Variants in TRPM3 observed in about 807,000 individuals in gnomAD.
The protein encoded by TRPM3 is long transient receptor potential channel 3.
Under a neutral mutation model 181.2 loss-of-function variants are expected in TRPM3, and 77 were observed. The ratio of observed to expected loss-of-function variants is 0.42; its 90% CI spans 0.35 to 0.51. The LOEUF is 0.51. TRPM3 is among the 20% of genes least tolerant of loss of function. The pLI is 0.01. For missense variants in TRPM3, 1,759 were observed against 2,196.7 expected (o/e 0.80, Z 3.98); for synonymous variants, 745 against 796.4 (o/e 0.94, Z 1.09).
intron 1 of TRPM3, among the ~76,000 whole-genome samples, chr9:71,374,332 C>T (rs2092609083): frequency 6.6e-6 from 1 of 152,132 alleles, no homozygotes; most frequent in Non-Finnish European, 1.5e-5. Flanking sequence ...CAAGATCATG[C>T]CACTGCACTC....
chr9:70,857,573 A>G lies in TRPM3; in HGVS notation c.462+5335T>C, dbSNP rs2095418975. Among the ~76,000 whole-genome samples the G allele has an allele frequency of 2.6e-5, 4 of 152,184 alleles. No individual in the cohort carries two copies. The South Asian group carries it at 8.3e-4, about 32-fold the overall frequency. ...ATAATTAGCTTCCTTTCAATTACCC[A>G]CATATATATTTCCCAACAAAACATC... On this transcript the variant is annotated intron_variant, in intron 3 of 25. Coordinates refer to ENST00000677713, the MANE Select transcript of TRPM3 (RefSeq NM_001366145.2).
intron 20 of TRPM3, among the ~76,000 whole-genome samples, chr9:70,602,522 C>T (rs1589152512): frequency 6.6e-6 from 1 of 152,186 alleles, no homozygotes; most frequent in East Asian, 1.9e-4. Context: ...GCCTGTCCTG[C>T]TTACTGTCAT....
At chr9:70,679,644 T>C (rs2064930942) in intron 9 of TRPM3, among the ~76,000 whole-genome samples, 1 of 152,182 alleles carries the variant, frequency 6.6e-6, no homozygotes, top group Non-Finnish European at 1.5e-5. Context: ...ATCTTGAGCA[T>C]GTTACTGAAT....
chr9:70,934,420 G>A (rs532084431), intron 1 of TRPM3, among the ~76,000 whole-genome samples: 32 of 152,206 alleles, frequency 2.1e-4, no homozygotes, highest in East Asian at 1.9e-3. Flanking sequence ...CTCCCTGACT[G>A]AAAAGGAAAA....
chr9:71,301,475 G>C (rs1262273294), intron 1 of TRPM3, among the ~76,000 whole-genome samples: 1 of 152,054 alleles, frequency 6.6e-6, no homozygotes, highest in Non-Finnish European at 1.5e-5. Context: ...CAGTTTCAAA[G>C]CCACATACTG....
intron 9 of TRPM3, among the ~76,000 whole-genome samples, chr9:70,663,904 T>C (rs2061456677): frequency 6.6e-6 from 1 of 152,182 alleles, no homozygotes; most frequent in South Asian, 2.1e-4. Flanking sequence ...ACTGATTTTA[T>C]TTATTATTTG....
intron 1 of TRPM3, among the ~76,000 whole-genome samples, chr9:71,105,771 A>C (rs1489492928): frequency 1.3e-5 from 2 of 152,182 alleles, no homozygotes; most frequent in African/African-American, 4.8e-5. Flanking sequence ...AAAGATGTCA[A>C]ATCAGTAAAA....
chr9:71,211,191 A>G (rs2079474916), intron 1 of TRPM3, among the ~76,000 whole-genome samples: 2 of 152,154 alleles, frequency 1.3e-5, no homozygotes, highest in East Asian at 3.9e-4. Flanking sequence ...CTGCTTTCCA[A>G]AGCCTTGCAG....
At chr9:71,057,045 G>T (rs1463798787) in intron 1 of TRPM3, among the ~76,000 whole-genome samples, 1 of 152,014 alleles carries the variant, frequency 6.6e-6, no homozygotes, top group Non-Finnish European at 1.5e-5. Flanking sequence ...TAGGGAAAGA[G>T]GATAAAAGAT....
chr9:71,374,475 C>A (rs1588718631), intron 1 of TRPM3, among the ~76,000 whole-genome samples: 1 of 152,106 alleles, frequency 6.6e-6, no homozygotes, highest in African/African-American at 2.4e-5. Flanking sequence ...ATATGACAAA[C>A]CCATGGCCAA....
At chr9:70,863,210 A>C in intron 2 of TRPM3, 98 bp from the exon 3 acceptor site, 1 of 981,162 alleles carries the variant, frequency 1.0e-6, no homozygotes, top group Non-Finnish European at 1.5e-6. Flanking sequence ...CTGTGCCAAC[A>C]CCTGTCAGTC....
chr9:70,969,756 T>TTATATTTATATA (rs924887097), intron 1 of TRPM3, among the ~76,000 whole-genome samples: 1 of 126,590 alleles, frequency 7.9e-6, no homozygotes, highest in African/African-American at 2.8e-5. Context: ...CTGAATGATT[T>TTATATTTATATA]TATATATATA....
chr9:70,912,637 G>A (rs1410841962), intron 1 of TRPM3, among the ~76,000 whole-genome samples: 1 of 152,130 alleles, frequency 6.6e-6, no homozygotes, highest in Non-Finnish European at 1.5e-5. Context: ...CCTATGAGAA[G>A]TCAAAACAAA....
chr9:70,536,428 C>A lies in TRPM3; in HGVS notation c.4685G>T (p.Cys1562Phe), dbSNP rs769122112. ...KTAEYTSITD[C>F]IDTRCVNAPQ... Reference sequence around the variant, plus strand: ...GGCATTGACACACCTTGTGTCAATACAGTCTGTAATACTTGTGTATTCTGC... The same window carrying A: ...GGCATTGACACACCTTGTGTCAATAAAGTCTGTAATACTTGTGTATTCTGC... Residue 1562 changes from cysteine to phenylalanine, a missense_variant, in exon 26 of 26, where the codon TGT (cysteine) becomes TTT (phenylalanine). By Grantham distance (205) the Cys-to-Phe change is radical (BLOSUM62 -2). Coordinates refer to ENST00000677713, the MANE Select transcript of TRPM3 (RefSeq NM_001366145.2). 1 of 1,614,070 alleles carries A rather than the reference C, an allele frequency of 6.2e-7. No homozygotes were observed. Among genetic ancestry groups the A allele is most frequent in the Non-Finnish European group, 8.5e-7 (1 of 1,180,040 alleles).
At chr9:70,823,095 C>T (rs579587) in intron 6 of TRPM3, among the ~76,000 whole-genome samples, 46,628 of 151,964 alleles carry the variant, frequency 0.31, 8,604 homozygotes, top group East Asian at 0.53. Flanking sequence ...AGGCTGCTGC[C>T]CATGAGCCTC....
At chr9:71,236,553 T>C (rs568645370) in intron 1 of TRPM3, among the ~76,000 whole-genome samples, 1 of 152,284 alleles carries the variant, frequency 6.6e-6, no homozygotes, top group East Asian at 1.9e-4. Context: ...CCTCCTCAGC[T>C]GCTGTTCCCC....
intron 25 of TRPM3, among the ~76,000 whole-genome samples, chr9:70,543,219 G>T (rs758921191): frequency 6.6e-6 from 1 of 152,048 alleles, no homozygotes; most frequent in Non-Finnish European, 1.5e-5. Context: ...AATTTTGTGG[G>T]TACATAGTAG....
intron 19 of TRPM3, among the ~76,000 whole-genome samples, chr9:70,608,745 CA>C (rs774168421): frequency 2.0e-5 from 3 of 152,156 alleles, no homozygotes; most frequent in Non-Finnish European, 4.4e-5. Flanking sequence ...GAGGCTGAGA[CA>C]TGAGACTCAC....
At chr9:71,044,067 A>G (rs1453827303) in intron 1 of TRPM3, among the ~76,000 whole-genome samples, 2 of 152,026 alleles carry the variant, frequency 1.3e-5, no homozygotes, top group Non-Finnish European at 2.9e-5. Context: ...AGGCTTTTCC[A>G]TAATTAAATC....
Sources: allele counts gnomAD v4.1 joint callset (sites outside exome capture counted in the v4.1 genomes callset), GRCh38; gene constraint gnomAD v4.1.1; transcripts MANE v1.5; gene names NCBI Gene and HGNC (gene_info 2026-07-23, HGNC 2026-07-21).